CCP110: variants seen among roughly 807,000 people sequenced by gnomAD.
CCP110 encodes centriolar coiled-coil protein of 110 kDa.
A neutral mutation model predicts 105.5 loss-of-function variants in CCP110; 43 were observed. The observed-to-expected ratio is 0.41, with a 90% CI of 0.32 to 0.53. The LOEUF (loss-of-function observed/expected upper bound fraction) is 0.53. CCP110 is among the 20% of genes least tolerant of loss of function. The probability of loss-of-function intolerance (pLI) is 0.32; values close to 1 mark genes in which losing one functional copy is unlikely to be tolerated. For synonymous variants in CCP110, 353 were observed against 392.1 expected (o/e 0.90, Z 1.18); for missense variants, 1,016 against 1,189.1 (o/e 0.85, Z 2.14).
Position 19,548,062 on chromosome 16 carries a change from G to A in CCP110, c.2900+48G>A, listed in dbSNP as rs1970521510. The stretch of plus-strand genomic sequence containing the variant: ...TTGAAAACTACGGAAACCAAGATTA[G>A]ATTTGAGAGGGAAAAATAAATCTAG... On this transcript the variant is annotated intron_variant, in intron 13 of 14. Transcript: ENST00000381396. This position sits in a 1 kb window ranked among gnomAD's most constrained non-coding sequence, Gnocchi z 4.1. The A allele has an allele frequency of 8.0e-7, 1 of 1,250,280 alleles. No individual in the cohort carries two copies. Among genetic ancestry groups the A allele is most frequent in the African/African-American group, 1.5e-5 (1 of 67,554 alleles). The allele number at this position is 1,250,280 out of a possible 1,614,324, so 77.4% of individuals were successfully genotyped here.
intron 1 of CCP110, chr16:19,526,762 C>T (rs1202410635): frequency 6.6e-6 from 1 of 151,970 alleles, no homozygotes; most frequent in African/African-American, 2.4e-5. Flanking sequence ...TTGAGGCCTA[C>T]CGAGGACATA....
At chr16:19,538,093 C>G (rs1401128053) in intron 4 of CCP110, among the ~76,000 whole-genome samples, 1 of 151,970 alleles carries the variant, frequency 6.6e-6, no homozygotes, top group East Asian at 1.9e-4. Flanking sequence ...CAGTCTGGCA[C>G]TGTTGCCCAG....
intron 11 of CCP110, 171 bp downstream of exon 11, chr16:19,546,061 A>T: frequency 1.8e-6 from 1 of 557,184 alleles, no homozygotes; most frequent in Non-Finnish European, 3.1e-6. Flanking sequence ...CTAAAATCTC[A>T]TTTCATCTTA....
intron 10 of CCP110, 27 bp downstream of exon 10, chr16:19,545,237 G>A: frequency 1.5e-6 from 2 of 1,335,614 alleles, no homozygotes; most frequent in Non-Finnish European, 2.1e-6. Context: ...CTAATGAATA[G>A]AGTTCTTCTG....
exon 15 of CCP110, chr16:19,552,828 A>G (rs1970684621): frequency 6.6e-6 from 1 of 152,198 alleles, no homozygotes; most frequent in Admixed American, 6.5e-5. Context: ...GACAGAAATA[A>G]TAAGCCACCC....
chr16:19,524,076 CG>C (rs1969579703), exon 1 of CCP110: 2 of 153,452 alleles, frequency 1.3e-5, no homozygotes, highest in African/African-American at 4.8e-5. Flanking sequence ...CTGAAGGGGC[CG>C]TGGGGGATCA....
chr16:19,530,638 G>T (rs1294542357), intron 2 of CCP110, among the ~76,000 whole-genome samples: 2 of 150,818 alleles, frequency 1.3e-5, no homozygotes, highest in African/African-American at 4.9e-5. Flanking sequence ...AGCCGAGATC[G>T]AGCCACTGCA....
At chr16:19,536,153 G>A in exon 4 of CCP110, 1 of 1,613,860 alleles carries the variant, frequency 6.2e-7, no homozygotes, top group Non-Finnish European at 8.5e-7. Flanking sequence ...AATAGACTTA[G>A]CTAGAGATTC....
At position 19,532,030 on chromosome 16, in the gene CCP110, T is replaced by C. The variant is rs187459636; in HGVS notation, c.142-386T>C. Among the ~76,000 whole-genome samples, 292 of 151,692 alleles carry C rather than the reference T, an allele frequency of 1.9e-3. 1 individual carries two copies. Among genetic ancestry groups the C allele is most frequent in the Non-Finnish European group, 3.7e-3 (249 of 67,890 alleles). On this transcript the variant is annotated intron_variant, in intron 2 of 14. Transcript: ENST00000381396. ...TCAAGTCAATATTCAAGTGAAGTAA[T>C]AAAAAACTCAGCAGTGGCCAAAAGG...
intron 1 of CCP110, 149 bp from the exon 2 acceptor site, chr16:19,527,718 A>T: frequency 2.2e-6 from 1 of 457,770 alleles, no homozygotes; most frequent in Non-Finnish European, 3.8e-6. Flanking sequence ...CATACCCAAG[A>T]ATTAGCTCCT....
intron 4 of CCP110, among the ~76,000 whole-genome samples, chr16:19,538,433 C>T (rs1970160727): frequency 6.7e-6 from 1 of 150,178 alleles, no homozygotes; most frequent in Non-Finnish European, 1.5e-5. Flanking sequence ...CCTCAGCCTC[C>T]AGAGTAGCTG....
chr16:19,537,664 A>G (rs1198052394), intron 4 of CCP110, 77 bp downstream of exon 4: 1 of 813,978 alleles, frequency 1.2e-6, no homozygotes, highest in African/African-American at 1.8e-5. Flanking sequence ...CATTTTTGGG[A>G]AAAAAGTGGT....
At chr16:19,546,638 A>G in intron 12 of CCP110, 164 bp downstream of exon 12, 1 of 473,182 alleles carries the variant, frequency 2.1e-6, no homozygotes, top group Non-Finnish European at 3.8e-6. Context: ...CCAACATGGA[A>G]AACCCCATCT....
At chr16:19,537,164 G>T in exon 4 of CCP110, 1 of 1,614,206 alleles carries the variant, frequency 6.2e-7, no homozygotes, top group Non-Finnish European at 8.5e-7. Flanking sequence ...CAGTACCTGT[G>T]CTGCGATGCC....
At chr16:19,551,221 A>C (rs1341428071) in exon 15 of CCP110, 1 of 1,612,832 alleles carries the variant, frequency 6.2e-7, no homozygotes, top group East Asian at 2.2e-5. Flanking sequence ...AAATCCAAAG[A>C]AAGCGGCCAA....
At chr16:19,550,782 A>T (rs1970611404) in intron 14 of CCP110, among the ~76,000 whole-genome samples, 2 of 152,252 alleles carry the variant, frequency 1.3e-5, no homozygotes, top group South Asian at 4.1e-4. Flanking sequence ...CCTAAATTGC[A>T]ATCTCTGATG....
At chr16:19,551,346 A>G in exon 15 of CCP110, 1 of 982,000 alleles carries the variant, frequency 1.0e-6, no homozygotes. Flanking sequence ...CCGTTTACAC[A>G]GACAAAGTGA....
chr16:19,551,079 A>C, intron 14 of CCP110, 117 bp from the exon 14 acceptor site: 1 of 701,216 alleles, frequency 1.4e-6, no homozygotes, highest in Non-Finnish European at 2.6e-6. Context: ...ATAAGGATTA[A>C]ATATGATAAT....
chr16:19,542,664 C>A (rs375415222), exon 7 of CCP110: 2 of 1,613,006 alleles, frequency 1.2e-6, no homozygotes, highest in South Asian at 1.1e-5. Flanking sequence ...TTTCTGCAAA[C>A]GAAGCACCAT....
Sources: allele counts gnomAD v4.1 joint callset (sites outside exome capture counted in the v4.1 genomes callset), GRCh38; gene constraint gnomAD v4.1.1; non-coding constraint Gnocchi (gnomAD v3.1); transcripts MANE v1.5; gene names NCBI Gene and HGNC (gene_info 2026-07-23, HGNC 2026-07-21).